Variants in DPYSL5 observed in about 807,000 individuals in gnomAD.
DPYSL5 encodes dihydropyrimidinase-related protein 5.
DPYSL5 carries 9 observed loss-of-function variants against 58.4 expected under a neutral mutation model. The ratio of observed to expected loss-of-function variants is 0.15; its 90% CI spans 0.09 to 0.27. The LOEUF is 0.27. Among genes scored for constraint, DPYSL5 ranks in the 10% least tolerant of loss-of-function variants. The pLI is 1.00. For missense variants in DPYSL5, 499 were observed against 770.6 expected, an observed-to-expected ratio of 0.65 and a Z score of 4.17; for synonymous variants, 293 against 301.9, an observed-to-expected ratio of 0.97 and a Z score of 0.31.
intron 1 of DPYSL5, among the ~76,000 whole-genome samples, chr2:26,897,473 C>T (rs1274290891): frequency 6.6e-6 from 1 of 152,162 alleles, no homozygotes. Flanking sequence ...GATTGTTTTT[C>T]AAATATTGAA....
intron 1 of DPYSL5, among the ~76,000 whole-genome samples, chr2:26,869,879 C>T (rs1310063049): frequency 6.6e-6 from 1 of 152,116 alleles, no homozygotes. Context: ...GGCGTGGTCA[C>T]AGGCGCCTGT....
chr2:26,886,336 G>C (rs193040029), intron 1 of DPYSL5, among the ~76,000 whole-genome samples: 21 of 152,266 alleles, frequency 1.4e-4, no homozygotes, highest in Admixed American at 4.6e-4. Flanking sequence ...GACTTAAACA[G>C]TAATGACATG....
intron 9 of DPYSL5, among the ~76,000 whole-genome samples, chr2:26,941,723 C>T (rs1665326473): frequency 1.3e-5 from 2 of 152,194 alleles, no homozygotes; most frequent in Non-Finnish European, 2.9e-5. Context: ...AATGGAACCA[C>T]GGCCACTCAC....
intron 1 of DPYSL5, among the ~76,000 whole-genome samples, chr2:26,862,101 C>T (rs1207181703): frequency 2.6e-5 from 4 of 152,196 alleles, no homozygotes; most frequent in African/African-American, 9.6e-5. Flanking sequence ...CAGATGAAAA[C>T]ATAGCTCATC....
In DPYSL5 at chr2:26,849,692, C is replaced by T. The variant is rs1665698352; in HGVS notation, c.-5+1438C>T. Among the ~76,000 whole-genome samples the T allele has an allele frequency of 6.6e-6, 1 of 152,232 alleles. No homozygotes were observed. On this transcript the variant is annotated intron_variant, in intron 1 of 12. Coordinates refer to ENST00000288699, the MANE Select transcript of DPYSL5 (RefSeq NM_020134.4). This position sits in a 1 kb window ranked among gnomAD's most constrained non-coding sequence, Gnocchi z 6.2. ...AACAATAGCCGACCCTGGTGTCCATCCGACGACAAACCAGGGCCACCCAGG... is the reference window on the plus strand; with the variant it reads ...AACAATAGCCGACCCTGGTGTCCATTCGACGACAAACCAGGGCCACCCAGG...
intron 1 of DPYSL5, among the ~76,000 whole-genome samples, chr2:26,885,501 C>G (rs1221959894): frequency 6.6e-6 from 1 of 152,208 alleles, no homozygotes; most frequent in Non-Finnish European, 1.5e-5. Flanking sequence ...CAGCCCTCCC[C>G]CAAAATGGCA....
chr2:26,856,456 A>G (rs1665881577), intron 1 of DPYSL5, among the ~76,000 whole-genome samples: 1 of 152,134 alleles, frequency 6.6e-6, no homozygotes, highest in African/African-American at 2.4e-5. Flanking sequence ...GATTTCTCTT[A>G]CTGTTGTATC....
At position 26,849,635 on chromosome 2, in the gene DPYSL5, G is replaced by A. The variant is rs930677465; in HGVS notation, c.-5+1381G>A. On this transcript the variant is annotated intron_variant, in intron 1 of 12. Coordinates refer to ENST00000288699, the MANE Select transcript of DPYSL5 (RefSeq NM_020134.4). The surrounding 1 kb of genome is among the most constrained non-coding windows in gnomAD (Gnocchi z 6.2). ...TTTGCCCAGCAGCAGGTGCTGCCAG[G>A]GAGGCGGATCTCCCTTCGGGGAGAC... Among the ~76,000 whole-genome samples the A allele has an allele frequency of 1.3e-5, 2 of 152,246 alleles. No individual in the cohort carries two copies. Among genetic ancestry groups the A allele is most frequent in the Admixed American group, 1.3e-4 (2 of 15,288 alleles).
chr2:26,927,432 G>T lies in DPYSL5; in HGVS notation c.600G>T (p.Glu200Asp). 1 of 1,613,630 alleles carries T rather than the reference G, an allele frequency of 6.2e-7. No individual in the cohort carries two copies. Among genetic ancestry groups the T allele is most frequent in the Non-Finnish European group, 8.5e-7 (1 of 1,179,796 alleles). The change falls in exon 4 of 13, where the codon GAG (glutamate) becomes GAT (aspartate). Residue 200 changes from glutamate to aspartate, a missense_variant and splice_region_variant. By Grantham distance (45) the Glu-to-Asp change is conservative. Around this residue, in one of 3 missense-constraint regions of DPYSL5, gnomAD observed 404 missense variants for 647.6 expected, o/e 0.62. Transcript: ENST00000288699. This position sits in a 1 kb window ranked among gnomAD's most constrained non-coding sequence, Gnocchi z 4.3. ...CTGAAAATGGGGAGCTTGTGGCCGA[G>T]GCAAGTCTGCAGCCAAGAATATTGG... ...VHAENGELVA[E>D]GAKEALDLGI...
intron 1 of DPYSL5, among the ~76,000 whole-genome samples, chr2:26,884,518 TCTCA>T (rs1663661968): frequency 1.7e-5 from 1 of 60,280 alleles, no homozygotes; most frequent in Non-Finnish European, 3.0e-5. Flanking sequence ...GCTTGTCCTA[TCTCA>T]CACACACACA....
chr2:26,940,245 T>G, intron 9 of DPYSL5, 73 bp downstream of exon 9: 1 of 1,558,044 alleles, frequency 6.4e-7, no homozygotes, highest in Non-Finnish European at 8.7e-7. Context: ...CTAATCCCAA[T>G]AAGAGTATTC....
chr2:26,920,006 A>T (rs1390201427), intron 2 of DPYSL5, among the ~76,000 whole-genome samples: 1 of 152,228 alleles, frequency 6.6e-6, no homozygotes, highest in Non-Finnish European at 1.5e-5. Context: ...AGTATGATAG[A>T]TATTATTTGT....
At chr2:26,853,346 A>G (rs1427042271) in intron 1 of DPYSL5, among the ~76,000 whole-genome samples, 1 of 152,164 alleles carries the variant, frequency 6.6e-6, no homozygotes, top group Non-Finnish European at 1.5e-5. Flanking sequence ...CAGCTAAGAA[A>G]TACAGAATTT....
At chr2:26,931,071 G>A (rs1664959829) in intron 5 of DPYSL5, among the ~76,000 whole-genome samples, 2 of 148,776 alleles carry the variant, frequency 1.3e-5, no homozygotes, top group South Asian at 4.3e-4. Flanking sequence ...CCCTAGAGGT[G>A]GAGGCTGCAG....
chr2:26,865,077 A>T (rs1244339169), intron 1 of DPYSL5, among the ~76,000 whole-genome samples: 1 of 152,242 alleles, frequency 6.6e-6, no homozygotes, highest in African/African-American at 2.4e-5. Context: ...TTGAAAATAC[A>T]TTTAGTGTTT....
chr2:26,903,592 G>A (rs1553317759), intron 2 of DPYSL5, among the ~76,000 whole-genome samples: 1 of 152,154 alleles, frequency 6.6e-6, no homozygotes, highest in Non-Finnish European at 1.5e-5. Flanking sequence ...GGCACAGGCT[G>A]TACTCCTGTT....
rs1177460904 is a variant in DPYSL5 at position 26,912,935 on chromosome 2, A to AAG, written c.262-11952_262-11951insAG. 2.0e-5 allele frequency among the ~76,000 whole-genome samples: 3 copies of AAG among 152,224 alleles called. No individual in the cohort carries two copies. The East Asian group carries it at 5.8e-4, about 29-fold the overall frequency. On this transcript the variant is annotated intron_variant, in intron 2 of 12. Transcript: ENST00000288699. ...CTTGGAGCTGGGGAGCCCCTCCGTC[A>AAG]GGCCAGGGCTACTCCAGCATTGTGT...
At chr2:26,908,087 T>C (rs557638396) in intron 2 of DPYSL5, among the ~76,000 whole-genome samples, 1 of 152,334 alleles carries the variant, frequency 6.6e-6, no homozygotes, top group South Asian at 2.1e-4. Flanking sequence ...AATTGAGTTA[T>C]TATTTGTAAA....
Position 26,933,557 on chromosome 2 carries a change from G to A in DPYSL5, c.790+224G>A, listed in dbSNP as rs1291470727. Among the ~76,000 whole-genome samples, 2 of 152,192 alleles carry A rather than the reference G, an allele frequency of 1.3e-5. No individual in the cohort carries two copies. The highest frequency in any genetic ancestry group is 2.9e-5 in the Non-Finnish European group (2 of 68,026). On this transcript the variant is annotated intron_variant, in intron 7 of 12. Coordinates refer to ENST00000288699, the MANE Select transcript of DPYSL5 (RefSeq NM_020134.4). The surrounding 1 kb of genome is among the most constrained non-coding windows in gnomAD (Gnocchi z 4.2). ...CTTCTGCAAATTTGTATGCATAACAGCTTTACGGAAGTGTCTGTCACTTCT... is the reference window on the plus strand; with the variant it reads ...CTTCTGCAAATTTGTATGCATAACAACTTTACGGAAGTGTCTGTCACTTCT...
Sources: gnomAD v4.1 joint callset for allele counts (sites outside exome capture counted in the v4.1 genomes callset) on GRCh38, gnomAD v4.1.1 for gene constraint, gnomAD v4.1.1 regional missense constraint, Gnocchi (gnomAD v3.1) non-coding constraint, MANE v1.5 for transcripts, NCBI Gene and HGNC (gene_info 2026-07-23, HGNC 2026-07-21) for gene names.